GRM7: variants seen among roughly 807,000 people sequenced by gnomAD.
GRM7 encodes metabotropic glutamate receptor 7.
GRM7 carries 35 observed loss-of-function variants against 84.5 expected under a neutral mutation model. The ratio of observed to expected loss-of-function variants is 0.41; its 90% CI spans 0.32 to 0.55. GRM7 has a LOEUF of 0.55. Among genes scored for constraint, GRM7 ranks in the 20% least tolerant of loss-of-function variants. The pLI is 0.19. For synonymous variants in GRM7, 487 were observed against 455.1 expected, an observed-to-expected ratio of 1.07 and a Z score of -0.89; for missense variants, 1,003 against 1,194.6, an observed-to-expected ratio of 0.84 and a Z score of 2.36.
chr3:7,130,997 T>G (rs1574942629), intron 1 of GRM7, among the ~76,000 whole-genome samples: 1 of 152,186 alleles, frequency 6.6e-6, no homozygotes, highest in East Asian at 1.9e-4. Context: ...CAGGATTTAT[T>G]AGTCCTGAAT....
At chr3:7,377,756 T>C (rs1281381133) in intron 4 of GRM7, among the ~76,000 whole-genome samples, 1 of 152,124 alleles carries the variant, frequency 6.6e-6, no homozygotes. Flanking sequence ...GGAAAGAACA[T>C]AAAAATATTT....
At chr3:7,489,323 T>C (rs1699438413) in intron 7 of GRM7, among the ~76,000 whole-genome samples, 1 of 152,216 alleles carries the variant, frequency 6.6e-6, no homozygotes, top group African/African-American at 2.4e-5. Flanking sequence ...GATATCACCA[T>C]ATGTTGAAAC....
chr3:7,364,592 A>G (rs900088312), intron 4 of GRM7, among the ~76,000 whole-genome samples: 3 of 150,816 alleles, frequency 2.0e-5, no homozygotes, highest in Non-Finnish European at 4.4e-5. Flanking sequence ...TTTTGTTTTT[A>G]TTCCTTTTCT....
At chr3:7,019,391 A>T (rs1225147244) in intron 1 of GRM7, among the ~76,000 whole-genome samples, 1 of 152,166 alleles carries the variant, frequency 6.6e-6, no homozygotes, top group African/African-American at 2.4e-5. Context: ...GTCCGCTATT[A>T]TAGTCTCATA....
At chr3:7,538,524 T>C (rs924223961) in intron 7 of GRM7, among the ~76,000 whole-genome samples, 5 of 152,248 alleles carry the variant, frequency 3.3e-5, no homozygotes, top group African/African-American at 1.2e-4. Flanking sequence ...CAAAACTCTC[T>C]CTTTTCACAA....
intron 1 of GRM7, among the ~76,000 whole-genome samples, chr3:6,931,667 G>A (rs1417916079): frequency 6.6e-6 from 1 of 152,106 alleles, no homozygotes; most frequent in East Asian, 1.9e-4. Flanking sequence ...CCCCTCTTTT[G>A]TGCCATAGAA....
At chr3:7,460,825 T>A (rs905302939) in intron 6 of GRM7, among the ~76,000 whole-genome samples, 1 of 152,232 alleles carries the variant, frequency 6.6e-6, no homozygotes, top group Admixed American at 6.5e-5. Context: ...CAGTTATATA[T>A]TAAGTATGGA....
intron 4 of GRM7, among the ~76,000 whole-genome samples, chr3:7,394,548 A>G (rs1559291026): frequency 1.3e-5 from 2 of 152,204 alleles, no homozygotes; most frequent in South Asian, 4.1e-4. Context: ...TTATACAAAT[A>G]TATAGAAATT....
At chr3:7,379,325 A>G (rs1313777372) in intron 4 of GRM7, among the ~76,000 whole-genome samples, 1 of 152,046 alleles carries the variant, frequency 6.6e-6, no homozygotes, top group Non-Finnish European at 1.5e-5. Context: ...ACTCCTGAGC[A>G]CAGGCACTTC....
intron 8 of GRM7, among the ~76,000 whole-genome samples, chr3:7,657,568 T>G (rs1347412390): frequency 6.6e-6 from 1 of 152,162 alleles, no homozygotes; most frequent in Admixed American, 6.5e-5. Flanking sequence ...AGAATTCCCT[T>G]CTTTTTTTTT....
chr3:7,023,812 CTTATCTT>C (rs111272979), intron 1 of GRM7, among the ~76,000 whole-genome samples: 2,698 of 152,276 alleles, frequency 0.018, 88 homozygotes, highest in African/African-American at 0.061. Flanking sequence ...ACAGGTCTAA[CTTATCTT>C]GGAGTGGGGA....
At chr3:7,571,608 T>C (rs1028083122) in intron 7 of GRM7, among the ~76,000 whole-genome samples, 1 of 152,168 alleles carries the variant, frequency 6.6e-6, no homozygotes, top group Non-Finnish European at 1.5e-5. Context: ...TCAACAAGTC[T>C]TTAGAGAGTT....
intron 1 of GRM7, among the ~76,000 whole-genome samples, chr3:7,106,801 G>A (rs1183205398): frequency 6.6e-6 from 1 of 151,950 alleles, no homozygotes; most frequent in East Asian, 1.9e-4. Context: ...TGCATATTGC[G>A]TTTTCTATTT....
intron 2 of GRM7, among the ~76,000 whole-genome samples, chr3:7,195,971 A>ATTTATTGTGCTATTCAGGT (rs1459797284): frequency 9.2e-5 from 14 of 152,252 alleles, no homozygotes; most frequent in African/African-American, 3.1e-4. Flanking sequence ...ATACAGGTAT[A>ATTTATTGTGCTATTCAGGT]CTTGTATATC....
chr3:7,699,184 T>C (rs935163368), intron 9 of GRM7, among the ~76,000 whole-genome samples: 3 of 152,184 alleles, frequency 2.0e-5, no homozygotes, highest in Non-Finnish European at 4.4e-5. Flanking sequence ...AACTCAAAGT[T>C]TGATTTCAGG....
intron 1 of GRM7, among the ~76,000 whole-genome samples, chr3:7,071,562 T>G (rs542198336): frequency 1.9e-4 from 29 of 152,126 alleles, no homozygotes; most frequent in African/African-American, 6.7e-4. Context: ...ATCTAAGAGA[T>G]AGATTAACAG....
intron 8 of GRM7, among the ~76,000 whole-genome samples, chr3:7,588,958 A>G (rs977684752): frequency 2.2e-4 from 34 of 152,236 alleles, no homozygotes; most frequent in African/African-American, 7.0e-4. Flanking sequence ...TCTGGCTAAC[A>G]GACCCAAAGC....
intron 2 of GRM7, among the ~76,000 whole-genome samples, chr3:7,276,231 GTGTGTGTGTGTGTGTGTGTA>G (rs1442867574): frequency 6.6e-6 from 1 of 151,254 alleles, no homozygotes; most frequent in Non-Finnish European, 1.5e-5. Context: ...GTGTGTGTGT[GTGTGTGTGTGTGTGTGTGTA>G]TATATAATTG....
intron 7 of GRM7, among the ~76,000 whole-genome samples, chr3:7,509,783 G>C (rs1700143446): frequency 6.6e-6 from 1 of 151,822 alleles, no homozygotes; most frequent in Admixed American, 6.6e-5. Context: ...TTTCAGCTGG[G>C]GAAATTTTTT....
Sources: allele counts gnomAD v4.1 joint callset (sites outside exome capture counted in the v4.1 genomes callset), GRCh38; gene constraint gnomAD v4.1.1; transcripts MANE v1.5; gene names NCBI Gene and HGNC (gene_info 2026-07-23, HGNC 2026-07-21).